Variants in ADGRL2 observed in about 807,000 individuals in gnomAD.
The protein encoded by ADGRL2 is calcium-independent alpha-latrotoxin receptor 2.
In ADGRL2, 44 loss-of-function variants were observed where a neutral mutation model predicts 157.4. That is an observed-to-expected ratio of 0.28 (90% confidence interval 0.22 to 0.36). The LOEUF is 0.36. Ranked by LOEUF, ADGRL2 falls within the 10% of genes least tolerant of loss-of-function variation. The pLI is 1.00. For synonymous variants in ADGRL2, 585 were observed against 624.7 expected, an observed-to-expected ratio of 0.94 and a Z score of 0.95; for missense variants, 1,510 against 1,768.9, an observed-to-expected ratio of 0.85 and a Z score of 2.63.
At chr1:81,440,244 G>C (rs1046437586) in intron 1 of ADGRL2, among the ~76,000 whole-genome samples, 3 of 152,182 alleles carry the variant, frequency 2.0e-5, no homozygotes, top group African/African-American at 7.2e-5. Flanking sequence ...GCTTTAAACT[G>C]TCTTCAGCTT....
At chr1:81,815,617 T>C (rs560237922) in intron 1 of ADGRL2, among the ~76,000 whole-genome samples, 3 of 151,914 alleles carry the variant, frequency 2.0e-5, no homozygotes, top group Non-Finnish European at 4.4e-5. Context: ...CTTAAAATAT[T>C]TTATAGAATT....
intron 2 of ADGRL2, among the ~76,000 whole-genome samples, chr1:81,776,070 G>C (rs913364522): frequency 2.0e-5 from 3 of 151,940 alleles, no homozygotes; most frequent in Admixed American, 2.0e-4. Flanking sequence ...TCCAAATTTG[G>C]GTTAGCATCA....
At chr1:81,441,237 A>T (rs1396420752) in intron 1 of ADGRL2, among the ~76,000 whole-genome samples, 1 of 152,202 alleles carries the variant, frequency 6.6e-6, no homozygotes, top group Non-Finnish European at 1.5e-5. Context: ...TACTGAAAAT[A>T]GTACTGTTAA....
In ADGRL2 at chr1:81,866,764, G is replaced by A. The variant is rs562054933; in HGVS notation, c.73+29707G>A. 3.9e-5 allele frequency among the ~76,000 whole-genome samples: 6 copies of A among 152,068 alleles called. No homozygotes were observed. In the South Asian group the frequency reaches 1.2e-3, roughly 31 times the overall value. On this transcript the variant is annotated intron_variant, in intron 2 of 23. Transcript: ENST00000686636. ...AAGATAATCTTTCATTATTCATATA[G>A]GATTCATTTCTGCAAGCATAGCTTA...
At chr1:81,796,315 G>A (rs529415042), upstream of ADGRL2, among the ~76,000 whole-genome samples, 12 of 152,232 alleles carry the variant, frequency 7.9e-5, no homozygotes, top group African/African-American at 2.6e-4. Context: ...ACCACGTACT[G>A]TTAATGAGAA....
intron 1 of ADGRL2, among the ~76,000 whole-genome samples, chr1:81,753,605 A>T (rs950997082): frequency 2.6e-5 from 4 of 152,292 alleles, no homozygotes; most frequent in East Asian, 1.9e-4. Flanking sequence ...AAATAGAATA[A>T]TTTTCTTTAA....
chr1:81,641,237 C>T (rs1396202364), intron 3 of ADGRL2, among the ~76,000 whole-genome samples: 1 of 152,144 alleles, frequency 6.6e-6, no homozygotes, highest in Admixed American at 6.5e-5. Context: ...TTTAACACCC[C>T]TGTATATGAA....
intron 2 of ADGRL2, among the ~76,000 whole-genome samples, chr1:81,474,145 G>A (rs956696618): frequency 2.0e-5 from 3 of 152,210 alleles, no homozygotes; most frequent in East Asian, 1.9e-4. Flanking sequence ...TGAAATGAAC[G>A]TTTGAGTTTG....
chr1:81,784,302 G>T (rs1351412914), intron 2 of ADGRL2, among the ~76,000 whole-genome samples: 1 of 152,152 alleles, frequency 6.6e-6, no homozygotes, highest in Non-Finnish European at 1.5e-5. Flanking sequence ...GAAAGCATGT[G>T]TCAAGTGTTC....
At chr1:81,894,713 A>G (rs985746153) in intron 2 of ADGRL2, among the ~76,000 whole-genome samples, 3 of 148,724 alleles carry the variant, frequency 2.0e-5, no homozygotes, top group Admixed American at 6.7e-5. Flanking sequence ...ATGAGAAATT[A>G]TTTCAATATG....
At chr1:81,878,661 A>G (rs1349620773) in intron 2 of ADGRL2, among the ~76,000 whole-genome samples, 1 of 152,166 alleles carries the variant, frequency 6.6e-6, no homozygotes, top group Non-Finnish European at 1.5e-5. Flanking sequence ...CCAGAGAGAG[A>G]TGTTGTAATG....
intron 3 of ADGRL2, among the ~76,000 whole-genome samples, chr1:81,582,088 C>A (rs549755323): frequency 6.6e-6 from 1 of 151,992 alleles, no homozygotes; most frequent in East Asian, 1.9e-4. Context: ...GGCGTGGTGG[C>A]GCATACCTGT....
intron 2 of ADGRL2, among the ~76,000 whole-genome samples, chr1:81,772,626 G>C (rs1352681333): frequency 1.3e-5 from 2 of 152,076 alleles, no homozygotes; most frequent in Non-Finnish European, 2.9e-5. Context: ...CTACTCGAGA[G>C]GCTGAGGCAG....
At chr1:81,415,449 T>C (rs1018099861) in intron 1 of ADGRL2, among the ~76,000 whole-genome samples, 4 of 152,106 alleles carry the variant, frequency 2.6e-5, no homozygotes, top group Non-Finnish European at 5.9e-5. Context: ...AGAAGCAGGA[T>C]GTAGACACAC....
intron 18 of ADGRL2, chr1:81,980,715 G>T (rs1395059820): frequency 1.8e-6 from 1 of 565,914 alleles, no homozygotes; most frequent in Non-Finnish European, 3.3e-6. Context: ...ATTGCATGTT[G>T]CATGGTAAGA....
At chr1:81,685,960 C>T (rs944520798) in intron 3 of ADGRL2, among the ~76,000 whole-genome samples, 2 of 152,096 alleles carry the variant, frequency 1.3e-5, no homozygotes, top group African/African-American at 4.8e-5. Flanking sequence ...ATATGTTAAA[C>T]CATCTGTGCA....
intron 2 of ADGRL2, among the ~76,000 whole-genome samples, chr1:81,545,548 G>T (rs2079995238): frequency 6.6e-6 from 1 of 152,040 alleles, no homozygotes; most frequent in Admixed American, 6.6e-5. Context: ...CCAAAGTGCT[G>T]GGGTTACAGG....
chr1:81,736,927 C>T (rs1032470614), intron 1 of ADGRL2, among the ~76,000 whole-genome samples: 40 of 152,202 alleles, frequency 2.6e-4, no homozygotes, highest in African/African-American at 9.1e-4. Flanking sequence ...CTCTGTCTCC[C>T]GGGTTCACGC....
At chr1:81,364,979 A>T (rs981463952) in intron 1 of ADGRL2, among the ~76,000 whole-genome samples, 1 of 152,024 alleles carries the variant, frequency 6.6e-6, no homozygotes, top group African/African-American at 2.4e-5. Flanking sequence ...TTAATATTTT[A>T]AGTCTGTCAC....
Sources: allele counts gnomAD v4.1 joint callset (sites outside exome capture counted in the v4.1 genomes callset), GRCh38; gene constraint gnomAD v4.1.1; transcripts MANE v1.5; gene names NCBI Gene and HGNC (gene_info 2026-07-23, HGNC 2026-07-21).